The following COL24A1 variants were observed in gnomAD, a reference collection of about 807,000 sequenced individuals.
COL24A1 encodes collagen alpha-1(XXIV) chain.
In COL24A1, 224 loss-of-function variants were observed where a neutral mutation model predicts 253.9. The ratio of observed to expected loss-of-function variants is 0.88; its 90% CI spans 0.79 to 0.99. The LOEUF (loss-of-function observed/expected upper bound fraction) is 0.99. Among genes scored for constraint, COL24A1 ranks in the 50% least tolerant of loss-of-function variants. The pLI is 0.00. For missense variants in COL24A1, 2,131 were observed against 2,068.5 expected (o/e 1.03, Z -0.59); for synonymous variants, 685 against 673.7 (o/e 1.02, Z -0.26).
intron 47 of COL24A1, among the ~76,000 whole-genome samples, chr1:85,810,572 C>T (rs1267251412): frequency 1.3e-5 from 2 of 152,040 alleles, no homozygotes; most frequent in East Asian, 3.9e-4. Flanking sequence ...ATCCCCAGTG[C>T]AGGAGGTGGG....
At chr1:85,766,368 C>CAAAAAAAAAAAAAAAAAAAAAGAAAAAA (rs1667367711) in intron 53 of COL24A1, among the ~76,000 whole-genome samples, 1 of 66,294 alleles carries the variant, frequency 1.5e-5, no homozygotes, top group Non-Finnish European at 2.6e-5. Context: ...GACTCTGTCT[C>CAAAAAAAAAAAAAAAAAAAAAGAAAAAA]AAAAAAAAAA....
intron 47 of COL24A1, among the ~76,000 whole-genome samples, chr1:85,815,518 G>T (rs909183616): frequency 6.6e-6 from 1 of 152,108 alleles, no homozygotes; most frequent in Non-Finnish European, 1.5e-5. Context: ...ACCATGTTAG[G>T]ACTTCTTAAC....
intron 2 of COL24A1, among the ~76,000 whole-genome samples, chr1:86,128,180 A>C (rs1435910145): frequency 6.6e-6 from 1 of 152,014 alleles, no homozygotes; most frequent in Non-Finnish European, 1.5e-5. Context: ...CAAAATTTAA[A>C]CTTTAATCCA....
intron 20 of COL24A1, among the ~76,000 whole-genome samples, chr1:85,985,640 G>A (rs552642035): frequency 4.1e-4 from 62 of 151,886 alleles, no homozygotes; most frequent in African/African-American, 1.4e-3. Flanking sequence ...AATAAAGGGT[G>A]CCTAACTACA....
chr1:85,883,162 G>GTCT (rs956530866), intron 32 of COL24A1, among the ~76,000 whole-genome samples: 1 of 151,282 alleles, frequency 6.6e-6, no homozygotes. Context: ...TTCTTCTTTC[G>GTCT]TCTTCTTCTT....
chr1:86,104,892 G>A (rs752084703), intron 5 of COL24A1, among the ~76,000 whole-genome samples: 13 of 152,224 alleles, frequency 8.5e-5, no homozygotes, highest in African/African-American at 1.2e-4. Context: ...GGATGCTAGC[G>A]GGTGCTGAGA....
At chr1:86,048,722 C>T (rs890184681) in intron 11 of COL24A1, among the ~76,000 whole-genome samples, 2 of 152,132 alleles carry the variant, frequency 1.3e-5, no homozygotes, top group Non-Finnish European at 2.9e-5. Context: ...GATCTCCTGA[C>T]CTCATGATCC....
At chr1:85,802,708 A>G (rs1461876832) in intron 47 of COL24A1, among the ~76,000 whole-genome samples, 1 of 152,102 alleles carries the variant, frequency 6.6e-6, no homozygotes, top group Non-Finnish European at 1.5e-5. Context: ...AGTTTTTCCT[A>G]TTCCTTTGTA....
rs562934366 is a variant in COL24A1, at chr1:86,111,917, G to T, written c.1599+650C>A. Among the ~76,000 whole-genome samples the T allele has an allele frequency of 2.8e-4, 42 of 152,224 alleles. No individual in the cohort carries two copies. The South Asian group carries it at 8.1e-3, about 29-fold the overall frequency. On this transcript the variant is annotated intron_variant, in intron 5 of 59. Coordinates refer to ENST00000370571, the MANE Select transcript of COL24A1 (RefSeq NM_152890.7). ...AAGATCAGGAACCCACCAGAAGGAA[G>T]AAACTGCGAACATGTCCGAACATCA... is the stretch of plus-strand genomic sequence containing the variant.
intron 24 of COL24A1, among the ~76,000 whole-genome samples, chr1:85,923,177 T>C (rs1686739241): frequency 6.6e-6 from 1 of 152,150 alleles, no homozygotes; most frequent in African/African-American, 2.4e-5. Flanking sequence ...AAGCAAGTCC[T>C]TAGGGATCTA....
chr1:86,068,957 G>T (rs1320247454), intron 7 of COL24A1, among the ~76,000 whole-genome samples: 1 of 151,996 alleles, frequency 6.6e-6, no homozygotes, highest in Non-Finnish European at 1.5e-5. Flanking sequence ...CTTGGGCCCT[G>T]AATAACCACC....
intron 1 of COL24A1, among the ~76,000 whole-genome samples, chr1:86,150,457 C>T (rs1490760263): frequency 6.6e-6 from 1 of 152,080 alleles, no homozygotes; most frequent in Admixed American, 6.5e-5. Context: ...ATTCTTTTAA[C>T]ACTTGGAAAA....
intron 27 of COL24A1, among the ~76,000 whole-genome samples, chr1:85,908,273 C>A (rs982343518): frequency 1.3e-5 from 2 of 151,670 alleles, no homozygotes; most frequent in Non-Finnish European, 3.0e-5. Flanking sequence ...TATGTTGAAG[C>A]TTACACTTGT....
intron 12 of COL24A1, among the ~76,000 whole-genome samples, chr1:86,043,254 C>G (rs1699640256): frequency 1.3e-5 from 2 of 151,976 alleles, no homozygotes; most frequent in South Asian, 4.1e-4. Context: ...CTATATCGCT[C>G]TACCTAAAAT....
At chr1:85,900,620 C>CATCTTTAAA (rs1684186459) in intron 28 of COL24A1, among the ~76,000 whole-genome samples, 1 of 152,050 alleles carries the variant, frequency 6.6e-6, no homozygotes, top group Non-Finnish European at 1.5e-5. Flanking sequence ...GCCTGGGTGA[C>CATCTTTAAA]AGAGTTACAC....
intron 48 of COL24A1, 49 bp from the exon 49 acceptor site, chr1:85,784,415 A>T (rs757063119): frequency 7.1e-7 from 1 of 1,413,222 alleles, no homozygotes; most frequent in East Asian, 2.3e-5. Context: ...ACATATAAAC[A>T]TATTGGCTTT....
chr1:85,894,664 T>A (rs759342294), intron 31 of COL24A1, among the ~76,000 whole-genome samples: 2 of 152,148 alleles, frequency 1.3e-5, no homozygotes, highest in African/African-American at 2.4e-5. Context: ...ACCATTTATA[T>A]CAATATAATA....
chr1:85,760,572 A>C (rs1666752218), intron 55 of COL24A1, among the ~76,000 whole-genome samples: 1 of 152,180 alleles, frequency 6.6e-6, no homozygotes, highest in East Asian at 1.9e-4. Context: ...GGAAACCACC[A>C]CCTAGAACTA....
At chr1:85,825,351 C>T (rs997366292) in intron 43 of COL24A1, among the ~76,000 whole-genome samples, 24 of 152,072 alleles carry the variant, frequency 1.6e-4, no homozygotes. Flanking sequence ...GGTTCCAAGT[C>T]TTTGCTATTG....
Sources: allele counts gnomAD v4.1 joint callset (sites outside exome capture counted in the v4.1 genomes callset), GRCh38; gene constraint gnomAD v4.1.1; transcripts MANE v1.5; gene names NCBI Gene and HGNC (gene_info 2026-07-23, HGNC 2026-07-21).